SNTB2: variants seen among roughly 807,000 people sequenced by gnomAD.
SNTB2 encodes syntrophin beta 2, also known as beta-2-syntrophin.
In SNTB2, 34 loss-of-function variants were observed where a neutral mutation model predicts 46.2. The ratio of observed to expected loss-of-function variants is 0.74; its 90% CI spans 0.56 to 0.98. SNTB2 has a LOEUF of 0.98. Among genes scored for constraint, SNTB2 ranks in the 50% least tolerant of loss-of-function variants. The pLI is 0.00. For synonymous variants in SNTB2, 290 were observed against 312.6 expected, an observed-to-expected ratio of 0.93 and a Z score of 0.76; for missense variants, 603 against 731.4, an observed-to-expected ratio of 0.82 and a Z score of 2.02.
At chr16:69,225,722 C>T (rs927528664) in intron 1 of SNTB2, among the ~76,000 whole-genome samples, 5 of 152,184 alleles carry the variant, frequency 3.3e-5, no homozygotes, top group East Asian at 3.9e-4. Flanking sequence ...TAAAGATCCA[C>T]GTGCTTTGCA....
chr16:69,305,471 T>C lies in SNTB2; in HGVS notation c.*4547T>C, dbSNP rs1332359509. On this transcript the variant is annotated 3_prime_UTR_variant, in exon 7 of 7. Transcript: ENST00000336278. The stretch of plus-strand genomic sequence containing the variant: ...TCGGCTGTTGATGCCATGAATGAAA[T>C]GGCTGGTTAGAAAGCCAAAGGTCTT... The C allele has an allele frequency of 6.6e-6, 1 of 152,256 alleles. No homozygotes were observed. Among genetic ancestry groups the C allele is most frequent in the Non-Finnish European group, 1.5e-5 (1 of 68,048 alleles). The allele number at this position is 152,256 out of a possible 1,614,324, so 9.4% of individuals were successfully genotyped here. A position where few individuals can be genotyped will look rare whatever the true frequency, so the allele number is the denominator to read the frequency against.
chr16:69,259,155 C>T (rs774036086), intron 2 of SNTB2, among the ~76,000 whole-genome samples: 21 of 151,570 alleles, frequency 1.4e-4, no homozygotes, highest in African/African-American at 4.6e-4. Context: ...ACATTAACAC[C>T]GAAACGACAG....
intron 1 of SNTB2, chr16:69,235,950 C>T (rs890555771): frequency 4.3e-6 from 4 of 926,648 alleles, no homozygotes; most frequent in African/African-American, 1.7e-5. Context: ...TAGTAAGCTC[C>T]CATTACTTTC....
chr16:69,288,077 T>G lies in SNTB2; in HGVS notation c.1345+3833T>G, dbSNP rs113322948. On this transcript the variant is annotated intron_variant, in intron 5 of 6. Coordinates refer to ENST00000336278, the MANE Select transcript of SNTB2 (RefSeq NM_006750.4). ...AGTATTGGAGGTGAGGCACGGTGGCTTACACCAGAATCACACTGGGATGCT... is the reference window on the plus strand; with the variant it reads ...AGTATTGGAGGTGAGGCACGGTGGCGTACACCAGAATCACACTGGGATGCT... Among the ~76,000 whole-genome samples the G allele has an allele frequency of 3.6e-4, 54 of 152,098 alleles. 1 individual carries two copies. Among genetic ancestry groups the G allele is most frequent in the African/African-American group, 1.1e-3 (44 of 41,504 alleles).
chr16:69,276,792 G>A (rs977269691), intron 4 of SNTB2, among the ~76,000 whole-genome samples: 5 of 152,048 alleles, frequency 3.3e-5, no homozygotes, highest in Admixed American at 2.0e-4. Flanking sequence ...TGGCACCTTA[G>A]CATGAATCAA....
chr16:69,225,462 G>A (rs966374982), intron 1 of SNTB2, among the ~76,000 whole-genome samples: 3 of 152,292 alleles, frequency 2.0e-5, no homozygotes. Flanking sequence ...AAATTTCGTT[G>A]TCTCGTGGAA....
chr16:69,259,066 A>G (rs1964807468), intron 2 of SNTB2, among the ~76,000 whole-genome samples: 1 of 151,992 alleles, frequency 6.6e-6, no homozygotes, highest in South Asian at 2.1e-4. Flanking sequence ...TTCAGCAAGC[A>G]TGCTTTTCAT....
intron 5 of SNTB2, among the ~76,000 whole-genome samples, chr16:69,296,719 C>CA (rs199809401): frequency 0.022 from 1,960 of 90,924 alleles, 47 homozygotes; most frequent in African/African-American, 0.074. Flanking sequence ...GACTCTGTCT[C>CA]AAAAAAAAAA....
At chr16:69,267,984 T>C (rs905264826) in intron 3 of SNTB2, among the ~76,000 whole-genome samples, 1 of 152,230 alleles carries the variant, frequency 6.6e-6, no homozygotes, top group African/African-American at 2.4e-5. Flanking sequence ...AAATGTCTCC[T>C]GAGGAGGGAA....
chr16:69,292,441 ATATAT>A (rs1340588875), intron 5 of SNTB2, among the ~76,000 whole-genome samples: 2 of 57,280 alleles, frequency 3.5e-5, no homozygotes, highest in African/African-American at 1.5e-4. Context: ...TATATTATAT[ATATAT>A]AATTTTTTTT....
Position 69,187,203 on chromosome 16 carries a change from G to T in SNTB2, c.37G>T (p.Gly13Trp). 7.1e-7 allele frequency: 1 copy of T among 1,410,174 alleles called. No homozygotes were observed. The highest frequency in any genetic ancestry group is 9.2e-7 in the Non-Finnish European group (1 of 1,081,094). The allele number at this position is 1,410,174 out of a possible 1,614,324, so 87.4% of individuals were successfully genotyped here. A position where few individuals can be genotyped will look rare whatever the true frequency, so the allele number is the denominator to read the frequency against. The change falls in exon 1 of 7, where the codon GGG becomes TGG. Residue 13 changes from glycine (G) to tryptophan (W), a missense_variant. This residue lies in a region of SNTB2 where 66 missense variants were observed against 39.0 expected (regional missense o/e 1.69). Transcript: ENST00000336278. ...TGCGGCGACTGCGGCGGCTGGAGCG[G>T]GGCCGGCCATGGCGGTGTGGACGCG... ...VAAATAAAGA[G>W]PAMAVWTRAT...
chr16:69,213,456 A>C (rs936619658), intron 1 of SNTB2, among the ~76,000 whole-genome samples: 1 of 151,960 alleles, frequency 6.6e-6, no homozygotes, highest in Non-Finnish European at 1.5e-5. Flanking sequence ...ACTTTGAAAA[A>C]ATTTTTCATT....
intron 1 of SNTB2, among the ~76,000 whole-genome samples, chr16:69,193,723 A>C (rs1157737682): frequency 1.3e-5 from 2 of 152,224 alleles, no homozygotes; most frequent in Non-Finnish European, 2.9e-5. Context: ...TTTGGGTTTC[A>C]AAACACAGAA....
At chr16:69,285,658 A>AT (rs530146968) in intron 5 of SNTB2, among the ~76,000 whole-genome samples, 8,203 of 145,838 alleles carry the variant, frequency 0.056, 269 homozygotes, top group Non-Finnish European at 0.073. Context: ...TAAAAAAAAA[A>AT]TTTTTTTTTT....
chr16:69,259,979 T>C (rs1964819820), intron 2 of SNTB2, 71 bp from the exon 3 acceptor site: 2 of 1,034,986 alleles, frequency 1.9e-6, no homozygotes, highest in Non-Finnish European at 3.0e-6. Context: ...TTTGCAGTTA[T>C]GTATTTTAAA....
At chr16:69,261,637 AT>A (rs1964835528) in intron 3 of SNTB2, among the ~76,000 whole-genome samples, 1 of 152,112 alleles carries the variant, frequency 6.6e-6, no homozygotes, top group Non-Finnish European at 1.5e-5. Context: ...AAATTTTAAC[AT>A]TTTAGTTGTG....
chr16:69,299,189 G>C (rs1275313121), intron 5 of SNTB2, among the ~76,000 whole-genome samples: 5 of 151,008 alleles, frequency 3.3e-5, no homozygotes, highest in Non-Finnish European at 7.4e-5. Flanking sequence ...GTCGCCCAGG[G>C]TGGAGTGCAG....
chr16:69,218,060 A>G (rs1190830330), intron 1 of SNTB2, among the ~76,000 whole-genome samples: 1 of 152,160 alleles, frequency 6.6e-6, no homozygotes, highest in East Asian at 1.9e-4. Context: ...AAGTATGGTA[A>G]TTTAACTAGG....
At chr16:69,273,335 C>A (rs1195626045) in intron 4 of SNTB2, among the ~76,000 whole-genome samples, 2 of 152,164 alleles carry the variant, frequency 1.3e-5, no homozygotes, top group African/African-American at 4.8e-5. Context: ...ACCTAAGTGT[C>A]CATCAACTGA....
Sources: allele counts gnomAD v4.1 joint callset (sites outside exome capture counted in the v4.1 genomes callset), GRCh38; gene constraint gnomAD v4.1.1; regional missense constraint gnomAD v4.1.1; transcripts MANE v1.5; gene names NCBI Gene and HGNC (gene_info 2026-07-23, HGNC 2026-07-21).